The following RPS6KA1 variants were observed in gnomAD, a reference collection of about 807,000 sequenced individuals.
RPS6KA1 encodes the protein ribosomal protein S6 kinase alpha-1.
In RPS6KA1, 48 loss-of-function variants were observed where a neutral mutation model predicts 91.3. The observed-to-expected ratio is 0.53, with a 90% CI of 0.42 to 0.67. The LOEUF is 0.67. Ranked by LOEUF, RPS6KA1 falls within the 30% of genes least tolerant of loss-of-function variation. The pLI, the probability that RPS6KA1 is intolerant of heterozygous loss-of-function variation, is 0.00. For synonymous variants in RPS6KA1, 359 were observed against 384.7 expected (o/e 0.93, Z 0.78); for missense variants, 719 against 960.5 (o/e 0.75, Z 3.32).
In RPS6KA1 at chr1:26,529,941, G is replaced by A; in HGVS notation, c.21G>A (p.Lys7=). The part of the protein sequence containing the change: MPLAQL[K]EPWPLMELVP... ...GCGAGATGCCGCTCGCCCAGCTCAA[G>A]GAGCCCTGGCCGCTCATGGAGCTAG... The change falls in exon 1 of 22, where the codon AAG becomes AAA. Residue 7 remains lysine, a synonymous_variant. Transcript: ENST00000374168. This position sits in a 1 kb window ranked among gnomAD's most constrained non-coding sequence, Gnocchi z 4.2. The A allele has an allele frequency of 7.0e-7, 1 of 1,434,268 alleles. No homozygotes were observed. Among genetic ancestry groups the A allele is most frequent in the Non-Finnish European group, 9.1e-7 (1 of 1,094,844 alleles). The allele number at this position is 1,434,268 out of a possible 1,614,324, so 88.8% of individuals were successfully genotyped here. A position where few individuals can be genotyped will look rare whatever the true frequency, so the allele number is the denominator to read the frequency against.
At position 26,561,009 on chromosome 1, in the gene RPS6KA1, C is replaced by G; in HGVS notation, c.1342-36C>G. 6.2e-7 allele frequency: 1 copy of G among 1,606,222 alleles called. No individual in the cohort carries two copies. Among genetic ancestry groups the G allele is most frequent in the Non-Finnish European group, 8.5e-7 (1 of 1,173,852 alleles). ...GGCCAGAAAGGACCCTGGACCCTGT[C>G]ACCCTGACACTGCCACATGCACCCC... On this transcript the variant is annotated intron_variant, in intron 15 of 21. Transcript: ENST00000374168. The surrounding 1 kb of genome is among the most constrained non-coding windows in gnomAD (Gnocchi z 5.7).
At chr1:26,546,803 G>C in intron 2 of RPS6KA1, 64 bp from the exon 3 acceptor site, 1 of 1,291,586 alleles carries the variant, frequency 7.7e-7, no homozygotes, top group South Asian at 1.2e-5. Context: ...ATGGACTTGG[G>C]CAGGGGAGCC....
rs765422798 is a variant in RPS6KA1 at position 26,551,525 on chromosome 1, C to A, written c.388+48C>A. ...AGCTCCTACCCCACCCATCCTTCGC[C>A]CTTGCCTGTGGTCTGTACACTGTCC... is the stretch of plus-strand genomic sequence containing the variant. On this transcript the variant is annotated intron_variant, in intron 5 of 21. Coordinates refer to ENST00000374168, the MANE Select transcript of RPS6KA1 (RefSeq NM_002953.4). This position sits in a 1 kb window ranked among gnomAD's most constrained non-coding sequence, Gnocchi z 4.5. 1.6e-5 allele frequency: 26 copies of A among 1,607,404 alleles called. No homozygotes were observed. Among genetic ancestry groups the A allele is most frequent in the Non-Finnish European group, 2.2e-5 (26 of 1,174,050 alleles).
At chr1:26,556,520 T>C (rs1557504996) in intron 11 of RPS6KA1, 134 bp from the exon 12 acceptor site, 2 of 845,582 alleles carry the variant, frequency 2.4e-6, no homozygotes, top group Admixed American at 2.0e-5. Flanking sequence ...CTGGGTAGAT[T>C]TGAGGCTGAG....
Position 26,574,299 on chromosome 1 carries a change from G to A in RPS6KA1, c.*98G>A. ...CGGAACCACAGGGCCAGAGGGAGCT[G>A]GAACCCGAGGGGCCGGGGAAGCTGC... On this transcript the variant is annotated 3_prime_UTR_variant, in exon 22 of 22. Transcript: ENST00000374168. The surrounding 1 kb of genome is among the most constrained non-coding windows in gnomAD (Gnocchi z 4.3). The A allele has an allele frequency of 6.7e-7, 1 of 1,487,186 alleles. No homozygotes were observed. Among genetic ancestry groups the A allele is most frequent in the Admixed American group, 1.7e-5 (1 of 59,490 alleles). The allele number at this position is 1,487,186 out of a possible 1,614,324, so 92.1% of individuals were successfully genotyped here.
chr1:26,544,761 A>G (rs978878687), intron 2 of RPS6KA1, among the ~76,000 whole-genome samples: 2 of 148,736 alleles, frequency 1.3e-5, no homozygotes, highest in Admixed American at 1.3e-4. Flanking sequence ...GGCGTGAGCC[A>G]CCACGCCCAG....
At chr1:26,566,279 CTT>C (rs371340177) in intron 17 of RPS6KA1, among the ~76,000 whole-genome samples, 5 of 97,944 alleles carry the variant, frequency 5.1e-5, no homozygotes, top group Admixed American at 1.2e-4. Flanking sequence ...CTCATTGTAG[CTT>C]TTTTTTTTTT....
intron 2 of RPS6KA1, chr1:26,545,973 C>A: frequency 6.2e-7 from 1 of 1,607,596 alleles, no homozygotes; most frequent in Middle Eastern, 1.8e-4. Context: ...GAAGCAGCGG[C>A]CCAGGATCAG....
chr1:26,539,766 C>T (rs987159918), intron 2 of RPS6KA1, among the ~76,000 whole-genome samples: 4 of 152,220 alleles, frequency 2.6e-5, no homozygotes, highest in African/African-American at 2.4e-5. Context: ...CCTAGGTGCA[C>T]GTGGTACCCT....
chr1:26,543,034 C>G (rs2075960670), intron 2 of RPS6KA1: 3 of 1,016,642 alleles, frequency 3.0e-6, no homozygotes, highest in Non-Finnish European at 4.3e-6. Context: ...TCATCTGCCC[C>G]TCCTCCCTGC....
At chr1:26,564,615 A>T (rs945644792) in intron 17 of RPS6KA1, among the ~76,000 whole-genome samples, 18 of 152,150 alleles carry the variant, frequency 1.2e-4, no homozygotes, top group African/African-American at 4.3e-4. Context: ...TATTATAAAG[A>T]TCCTCATCTA....
intron 20 of RPS6KA1, 21 bp from the exon 21 acceptor site, chr1:26,573,203 C>G: frequency 6.2e-7 from 1 of 1,613,012 alleles, no homozygotes; most frequent in South Asian, 1.1e-5. Flanking sequence ...CCCCCAACCC[C>G]CTTGCCCACT....
At chr1:26,534,167 C>T (rs1191614303) in intron 1 of RPS6KA1, among the ~76,000 whole-genome samples, 1 of 152,232 alleles carries the variant, frequency 6.6e-6, no homozygotes, top group African/African-American at 2.4e-5. Context: ...ATGTCTGCCA[C>T]CTGCCTGCTG....
At chr1:26,557,437 G>A (rs149632402) in intron 13 of RPS6KA1, among the ~76,000 whole-genome samples, 127 of 152,230 alleles carry the variant, frequency 8.3e-4, no homozygotes, top group African/African-American at 2.9e-3. Context: ...TTACCATCAC[G>A]TCAGGGAGAA....
intron 1 of RPS6KA1, chr1:26,530,624 G>C (rs1382131454): frequency 1.9e-6 from 1 of 526,990 alleles, no homozygotes; most frequent in Non-Finnish European, 2.9e-6. Flanking sequence ...GGCAGGGCGT[G>C]GGGGGACCTT....
In RPS6KA1 at chr1:26,571,651, A is replaced by G. The variant is rs188158; in HGVS notation, c.1752+41A>G. On this transcript the variant is annotated intron_variant, in intron 18 of 21. Transcript: ENST00000374168. This position sits in a 1 kb window ranked among gnomAD's most constrained non-coding sequence, Gnocchi z 5.1. ...TCCTCAGCTGTAAGAGTGAGGGGGA[A>G]TTGGAGGCCTTGTGCCCCCTCCCAG... The G allele has an allele frequency of 0.32, 509,666 of 1,601,962 alleles. 92,112 individuals carry two copies. Among genetic ancestry groups the G allele is most frequent in the East Asian group, 0.74 (32,950 of 44,474 alleles).
intron 2 of RPS6KA1, among the ~76,000 whole-genome samples, chr1:26,544,535 T>C (rs1301949005): frequency 3.3e-5 from 5 of 151,104 alleles, no homozygotes; most frequent in Non-Finnish European, 5.9e-5. Flanking sequence ...AGTGCGGTGG[T>C]GCGATCTTGG....
At chr1:26,543,300 C>A in intron 2 of RPS6KA1, 1 of 1,114,724 alleles carries the variant, frequency 9.0e-7, no homozygotes, top group Non-Finnish European at 1.3e-6. Flanking sequence ...GTGGCTCTGT[C>A]CCTTGGGATT....
chr1:26,573,948 AAAC>A (rs1206485226), intron 21 of RPS6KA1, 128 bp from the exon 22 acceptor site: 5 of 1,097,484 alleles, frequency 4.6e-6, no homozygotes, highest in East Asian at 4.9e-5. Flanking sequence ...AAAAAAAAAA[AAAC>A]AACAAAAACA....
Sources: allele counts gnomAD v4.1 joint callset (sites outside exome capture counted in the v4.1 genomes callset), GRCh38; gene constraint gnomAD v4.1.1; non-coding constraint Gnocchi (gnomAD v3.1); transcripts MANE v1.5; gene names NCBI Gene and HGNC (gene_info 2026-07-23, HGNC 2026-07-21).